RPL32: variants seen among roughly 807,000 people sequenced by gnomAD.
The protein encoded by RPL32 is ribosomal protein L32, also known as large ribosomal subunit protein eL32.
For synonymous variants in RPL32, 61 were observed against 62.6 expected, an observed-to-expected ratio of 0.98 and a Z score of 0.12; for missense variants, 117 against 173.7, an observed-to-expected ratio of 0.67 and a Z score of 1.83.
At chr3:12,837,519 G>T (rs2062108786) in intron 3 of RPL32, among the ~76,000 whole-genome samples, 1 of 152,196 alleles carries the variant, frequency 6.6e-6, no homozygotes, top group South Asian at 2.1e-4. Context: ...AACAGGTATT[G>T]CCTGTTACAG....
At chr3:12,839,746 C>G (rs1050487430) in intron 2 of RPL32, among the ~76,000 whole-genome samples, 2 of 152,164 alleles carry the variant, frequency 1.3e-5, no homozygotes, top group Non-Finnish European at 2.9e-5. Flanking sequence ...CATTGCCACT[C>G]CCAAGCAATG....
intron 3 of RPL32, among the ~76,000 whole-genome samples, chr3:12,837,302 G>A (rs2062107534): frequency 6.6e-6 from 1 of 152,176 alleles, no homozygotes; most frequent in African/African-American, 2.4e-5. Flanking sequence ...TATATTTTCA[G>A]TTGTTTCCAG....
In RPL32 at chr3:12,839,482, A is replaced by C. The variant is rs1488167985; in HGVS notation, c.145T>G (p.Phe49Val). 6.2e-7 allele frequency: 1 copy of C among 1,614,052 alleles called. No individual in the cohort carries two copies. The highest frequency in any genetic ancestry group is 8.5e-7 in the Non-Finnish European group (1 of 1,180,042). Residue 49 changes from phenylalanine (F) to valine (V), a missense_variant, in exon 3 of 4, where the codon TTC becomes GTC. Coordinates refer to ENST00000429711, the MANE Select transcript of RPL32 (RefSeq NM_000994.4). The part of the protein sequence containing the change: ...RGIDNRVRRR[F>V]KGQILMPNIG... ...TTGGGCATCAAGATCTGGCCCTTGA[A>C]TCTTCTACGAACCCTGTTGTCAATG...
At chr3:12,837,113 TCTTTA>T (rs2062106209) in intron 3 of RPL32, among the ~76,000 whole-genome samples, 1 of 152,246 alleles carries the variant, frequency 6.6e-6, no homozygotes, top group South Asian at 2.1e-4. Context: ...TTCTCATCTG[TCTTTA>T]CTTTTCAAAA....
chr3:12,840,658 G>A, intron 1 of RPL32: 1 of 389,034 alleles, frequency 2.6e-6, no homozygotes, highest in Non-Finnish European at 5.1e-6. Context: ...ATGACACTGC[G>A]CGCTGAATGC....
intron 2 of RPL32, among the ~76,000 whole-genome samples, 175 bp downstream of exon 2, chr3:12,839,967 C>T (rs1021878656): frequency 1.3e-5 from 2 of 152,192 alleles, no homozygotes; most frequent in Non-Finnish European, 2.9e-5. Flanking sequence ...TCGCTTCACA[C>T]ATCAAGAGAC....
rs1010341752 is a variant in RPL32, at chr3:12,838,976, C to A, written c.278+373G>T. ...AACTCATATTTGGCTCAGAATAAATCTCTTCGAATATTTCAGAGTTCAACT... is the reference window on the plus strand; with the variant it reads ...AACTCATATTTGGCTCAGAATAAATATCTTCGAATATTTCAGAGTTCAACT... On this transcript the variant is annotated intron_variant, in intron 3 of 3. Transcript: ENST00000429711. 17 of 314,922 alleles carry A rather than the reference C, an allele frequency of 5.4e-5. No homozygotes were observed. In the Admixed American group the frequency reaches 7.3e-4, roughly 14 times the overall value. The allele number at this position is 314,922 out of a possible 1,614,324, so 19.5% of individuals were successfully genotyped here.
intron 1 of RPL32, chr3:12,840,748 C>T (rs1378168614): frequency 3.0e-6 from 1 of 328,638 alleles, no homozygotes; most frequent in East Asian, 7.7e-5. Flanking sequence ...ACACCCTCAA[C>T]ACACACAAAA....
At position 12,835,610 on chromosome 3, in the gene RPL32, G is replaced by C. The variant is rs1012483809; in HGVS notation, c.*484C>G. On this transcript the variant is annotated 3_prime_UTR_variant, in exon 4 of 4. Transcript: ENST00000429711. ...GGAAGAGCAATTTGTACATCATCCTGTTCTTTTTGGACAGAAGTTACAGGA... is the reference window on the plus strand; with the variant it reads ...GGAAGAGCAATTTGTACATCATCCTCTTCTTTTTGGACAGAAGTTACAGGA... The C allele has an allele frequency of 6.2e-6, 1 of 160,664 alleles. No homozygotes were observed. Among genetic ancestry groups the C allele is most frequent in the African/African-American group, 2.4e-5 (1 of 41,528 alleles). 10.0% of individuals were successfully genotyped at this position (160,664 alleles called of 1,614,324 possible). A position where few individuals can be genotyped will look rare whatever the true frequency, so the allele number is the denominator to read the frequency against.
intron 3 of RPL32, among the ~76,000 whole-genome samples, chr3:12,838,520 C>G (rs976787858): frequency 1.3e-5 from 2 of 152,058 alleles, no homozygotes; most frequent in South Asian, 2.1e-4. Context: ...TCCTCCTGTT[C>G]TCCATCTAAT....
chr3:12,835,569 C>T lies in RPL32; in HGVS notation c.*525G>A, dbSNP rs2124881510. On this transcript the variant is annotated 3_prime_UTR_variant, in exon 4 of 4. Coordinates refer to ENST00000429711, the MANE Select transcript of RPL32 (RefSeq NM_000994.4). ...AGACTGAAAGTGCTTTTCCAGTTAA[C>T]CGTGGTGGATTACCTGGAAGAGCAA... 6.4e-6 allele frequency: 1 copy of T among 156,004 alleles called. No individual in the cohort carries two copies. Among genetic ancestry groups the T allele is most frequent in the South Asian group, 1.9e-4 (1 of 5,130 alleles). The allele number at this position is 156,004 out of a possible 1,614,324, so 9.7% of individuals were successfully genotyped here. A position where few individuals can be genotyped will look rare whatever the true frequency, so the allele number is the denominator to read the frequency against.
chr3:12,839,205 CAAGGA>C (rs1399822933), intron 3 of RPL32, 139 bp downstream of exon 3: 47 of 727,914 alleles, frequency 6.5e-5, no homozygotes, highest in Admixed American at 1.1e-4. Flanking sequence ...TAAAATCCTG[CAAGGA>C]ACAACTTCTG....
intron 2 of RPL32, 103 bp from the exon 3 acceptor site, chr3:12,839,633 C>T: frequency 8.9e-7 from 1 of 1,117,604 alleles, no homozygotes; most frequent in Admixed American, 1.7e-5. Context: ...GTATGCCACA[C>T]AGTAGTTGCC....
chr3:12,837,168 C>T (rs1305532078), intron 3 of RPL32, among the ~76,000 whole-genome samples: 2 of 152,196 alleles, frequency 1.3e-5, no homozygotes. Flanking sequence ...TTGATAATCA[C>T]AATCAGAGTG....
chr3:12,840,764 A>C, intron 1 of RPL32: 1 of 310,178 alleles, frequency 3.2e-6, no homozygotes, highest in South Asian at 2.8e-5. Flanking sequence ...CAAAACCACC[A>C]TATACCTCTG....
At chr3:12,839,769 A>G (rs554283474) in intron 2 of RPL32, among the ~76,000 whole-genome samples, 3 of 152,290 alleles carry the variant, frequency 2.0e-5, no homozygotes, top group African/African-American at 4.8e-5. Flanking sequence ...GGAGGCACCA[A>G]TGGGATGCGA....
intron 3 of RPL32, chr3:12,839,133 T>G (rs1200092066): frequency 3.8e-5 from 23 of 604,260 alleles, no homozygotes; most frequent in Non-Finnish European, 6.7e-5. Context: ...TCTCTACACT[T>G]AGAAGACCAA....
At chr3:12,838,375 C>T (rs76003901) in intron 3 of RPL32, among the ~76,000 whole-genome samples, 131 of 152,312 alleles carry the variant, frequency 8.6e-4, no homozygotes, top group African/African-American at 3.0e-3. Context: ...CACTGCACTC[C>T]AGCCCCGGCA....
chr3:12,840,479 A>G, intron 1 of RPL32: 1 of 655,808 alleles, frequency 1.5e-6, no homozygotes. Flanking sequence ...TCAGAGCCCA[A>G]AGAATGCCAA....
Sources: gnomAD v4.1 joint callset for allele counts (sites outside exome capture counted in the v4.1 genomes callset) on GRCh38, gnomAD v4.1.1 for gene constraint, MANE v1.5 for transcripts, NCBI Gene and HGNC (gene_info 2026-07-23, HGNC 2026-07-21) for gene names.